Variants in SGK1 observed in about 807,000 individuals in gnomAD.
SGK1 encodes serum/glucocorticoid regulated kinase 1.
A neutral mutation model predicts 64.2 loss-of-function variants in SGK1; 26 were observed. The ratio of observed to expected loss-of-function variants is 0.40; its 90% CI spans 0.30 to 0.56. The LOEUF is 0.56. SGK1 is among the 20% of genes least tolerant of loss of function. The pLI, the probability that SGK1 is intolerant of heterozygous loss-of-function variation, is 0.38. For missense variants in SGK1, 519 were observed against 645.6 expected, an observed-to-expected ratio of 0.80 and a Z score of 2.12; for synonymous variants, 265 against 239.7, an observed-to-expected ratio of 1.11 and a Z score of -0.98.
At chr6:134,177,876 A>G in intron 3 of SGK1, 1 of 1,549,014 alleles carries the variant, frequency 6.5e-7, no homozygotes, top group Non-Finnish European at 8.7e-7. Flanking sequence ...CCCACTTTAT[A>G]TCAAGGCAAT....
Position 134,317,407 on chromosome 6 carries a change from T to C in SGK1, c.54A>G (p.Gln18=). Residue 18 remains glutamine (Q), a synonymous_variant, in exon 1 of 14, where the codon CAA becomes CAG. Transcript: ENST00000367858. ...GFPVKKCSAF[Q]FFKKRVRRWI... is the part of the protein sequence containing the mutation. The stretch of plus-strand genomic sequence containing the variant: ...CTGTCCTTACCCGCTTCTTAAAAAA[T>C]TGGAAGGCTGAGCATTTCTTGACTG... 6.2e-7 allele frequency: 1 copy of C among 1,605,398 alleles called. No homozygotes were observed. Among genetic ancestry groups the C allele is most frequent in the Non-Finnish European group, 8.5e-7 (1 of 1,171,954 alleles).
At chr6:134,175,252 G>A (rs1267092355) in intron 3 of SGK1, among the ~76,000 whole-genome samples, 1 of 152,148 alleles carries the variant, frequency 6.6e-6, no homozygotes, top group African/African-American at 2.4e-5. Context: ...CGGCGGGTGC[G>A]CGGCGGCCAC....
At chr6:134,228,659 C>CA (rs1193181520) in intron 2 of SGK1, among the ~76,000 whole-genome samples, 1 of 152,102 alleles carries the variant, frequency 6.6e-6, no homozygotes, top group Non-Finnish European at 1.5e-5. Flanking sequence ...GAATGATAGA[C>CA]ATGCTTTTTA....
intron 1 of SGK1, among the ~76,000 whole-genome samples, chr6:134,285,785 G>A (rs1260407686): frequency 6.6e-6 from 1 of 151,858 alleles, no homozygotes; most frequent in African/African-American, 2.4e-5. Flanking sequence ...AAAGATGTCT[G>A]TAAAATAAGA....
chr6:134,243,473 G>A (rs998742537), intron 2 of SGK1, among the ~76,000 whole-genome samples: 3 of 152,070 alleles, frequency 2.0e-5, no homozygotes, highest in Non-Finnish European at 4.4e-5. Context: ...GGGTTCAAGC[G>A]ATTCCCCTGC....
chr6:134,215,947 C>T (rs1413924172), intron 2 of SGK1, among the ~76,000 whole-genome samples: 4 of 152,114 alleles, frequency 2.6e-5, no homozygotes, highest in African/African-American at 4.8e-5. Context: ...ACCCAGGAGG[C>T]GGAGGTTGCA....
chr6:134,175,909 G>A, intron 3 of SGK1: 1 of 1,219,628 alleles, frequency 8.2e-7, no homozygotes, highest in Non-Finnish European at 1.0e-6. Flanking sequence ...AGAGGGAAAA[G>A]GGGGAGGGAG....
chr6:134,273,855 C>T (rs918357756), intron 1 of SGK1, among the ~76,000 whole-genome samples: 5 of 151,960 alleles, frequency 3.3e-5, no homozygotes, highest in African/African-American at 4.8e-5. Context: ...GATGGGGTCT[C>T]GCTGTGTTGC....
At chr6:134,282,059 G>T (rs1777102389) in intron 1 of SGK1, among the ~76,000 whole-genome samples, 1 of 152,138 alleles carries the variant, frequency 6.6e-6, no homozygotes, top group Non-Finnish European at 1.5e-5. Context: ...GACTACTTGG[G>T]TAGGTTATAT....
chr6:134,197,854 A>AAATT (rs1554220058), intron 3 of SGK1, among the ~76,000 whole-genome samples: 20 of 146,700 alleles, frequency 1.4e-4, no homozygotes, highest in Non-Finnish European at 2.2e-4. Flanking sequence ...AAAATAAAAT[A>AAATT]AAATTAAATT....
At chr6:134,266,386 G>A (rs376350750) in intron 1 of SGK1, among the ~76,000 whole-genome samples, 2 of 152,162 alleles carry the variant, frequency 1.3e-5, no homozygotes, top group East Asian at 1.9e-4. Flanking sequence ...AGGCTGAGGC[G>A]TGTGGATCAC....
intron 3 of SGK1, among the ~76,000 whole-genome samples, chr6:134,204,778 T>C (rs1304414579): frequency 6.6e-6 from 1 of 152,078 alleles, no homozygotes; most frequent in East Asian, 1.9e-4. Context: ...GGTCTCTAAC[T>C]CCTGACCTCA....
chr6:134,307,797 CTTTAAA>C (rs1167873013), intron 1 of SGK1, among the ~76,000 whole-genome samples: 1 of 152,192 alleles, frequency 6.6e-6, no homozygotes, highest in Non-Finnish European at 1.5e-5. Context: ...CCAAGATTTT[CTTTAAA>C]TTCTTCTCTT....
At chr6:134,227,124 T>C (rs143242929) in intron 2 of SGK1, among the ~76,000 whole-genome samples, 16 of 152,226 alleles carry the variant, frequency 1.1e-4, no homozygotes, top group South Asian at 1.0e-3. Flanking sequence ...CTCTGGCATG[T>C]ATGTCTTTAT....
At chr6:134,261,615 G>C in intron 2 of SGK1, 1 of 575,094 alleles carries the variant, frequency 1.7e-6, no homozygotes, top group Non-Finnish European at 3.1e-6. Flanking sequence ...AACACCAAGA[G>C]TGAACTCTAA....
chr6:134,273,592 C>CAAAAAAAAAAAAAAA lies in SGK1; in HGVS notation c.70-11459_70-11445dup, dbSNP rs58634499. ...TGGGCGACAGAGCGAGACTCCGTCT[C>CAAAAAAAAAAAAAAA]AAAAAAAAAAAAAAAAAAAAAAAAA... On this transcript the variant is annotated intron_variant, in intron 1 of 13. Transcript: ENST00000367858. 2.5e-4 allele frequency among the ~76,000 whole-genome samples: 4 copies of CAAAAAAAAAAAAAAA among 16,222 alleles called. 1 individual carries two copies. The highest frequency in any genetic ancestry group is 4.1e-4 in the African/African-American group (2 of 4,820). 10.6% of individuals were successfully genotyped at this position (16,222 alleles called of 152,430 possible). A position where few individuals can be genotyped will look rare whatever the true frequency, so the allele number is the denominator to read the frequency against.
chr6:134,297,985 A>C (rs1777388153), intron 1 of SGK1: 1 of 819,710 alleles, frequency 1.2e-6, no homozygotes, highest in Non-Finnish European at 2.2e-6. Flanking sequence ...TTGTCCATGG[A>C]CAGCATCACA....
chr6:134,217,625 A>G (rs182007040), intron 2 of SGK1, among the ~76,000 whole-genome samples: 4 of 152,114 alleles, frequency 2.6e-5, no homozygotes, highest in African/African-American at 7.2e-5. Context: ...TGGTACATCA[A>G]CCGCCACGCT....
intron 2 of SGK1, among the ~76,000 whole-genome samples, chr6:134,227,094 G>C (rs1305796253): frequency 6.6e-6 from 1 of 152,106 alleles, no homozygotes; most frequent in East Asian, 1.9e-4. Context: ...TAGCCTCCAT[G>C]GCTGGTCCCT....
Sources: gnomAD v4.1 joint callset for allele counts (sites outside exome capture counted in the v4.1 genomes callset) on GRCh38, gnomAD v4.1.1 for gene constraint, MANE v1.5 for transcripts, NCBI Gene and HGNC (gene_info 2026-07-23, HGNC 2026-07-21) for gene names.